Variants in DNM1L observed in about 807,000 individuals in gnomAD.
DNM1L encodes the protein dynamin 1L, also known as dynamin-1-like protein.
DNM1L carries 33 observed loss-of-function variants against 92.8 expected under a neutral mutation model. The observed-to-expected ratio is 0.36, with a 90% CI of 0.27 to 0.48. The LOEUF (loss-of-function observed/expected upper bound fraction) is 0.48. Among genes scored for constraint, DNM1L ranks in the 20% least tolerant of loss-of-function variants. The pLI is 0.99. For missense variants in DNM1L, 485 were observed against 888.8 expected, an observed-to-expected ratio of 0.55 and a Z score of 5.78; for synonymous variants, 284 against 305.0, an observed-to-expected ratio of 0.93 and a Z score of 0.72.
intron 13 of DNM1L, 183 bp from the exon 14 acceptor site, chr12:32,736,917 AAGATT>A (rs2137560970): frequency 3.3e-6 from 2 of 608,760 alleles, no homozygotes; most frequent in South Asian, 4.1e-5. Flanking sequence ...AGAAAAAAAA[AAGATT>A]AAGAAGCTTT....
Position 32,731,544 on chromosome 12 carries a change from A to G in DNM1L, c.1356+33A>G, listed in dbSNP as rs1216931739. ...AGAGAAATGTAACAGGTTTCACATG[A>G]ACTAGAAAAGGACATGAAGTGGTGG... On this transcript the variant is annotated intron_variant, in intron 11 of 19. Transcript: ENST00000549701. The surrounding 1 kb of genome is among the most constrained non-coding windows in gnomAD (Gnocchi z 5.1). The G allele has an allele frequency of 1.2e-6, 2 of 1,612,542 alleles. No individual in the cohort carries two copies. Among genetic ancestry groups the G allele is most frequent in the African/African-American group, 2.7e-5 (2 of 74,930 alleles).
rs535793293 is a variant in DNM1L at position 32,742,608 on chromosome 12, C to A, written c.2014C>A (p.His672Asn). ...TTGCAGTGTGCCAAAGGCAGTAATGCATTTTTTGGTTAATCATGTGAAAGA... is the reference window on the plus strand; with the variant it reads ...TTGCAGTGTGCCAAAGGCAGTAATGAATTTTTTGGTTAATCATGTGAAAGA... The part of the protein sequence containing the change: ...IQDSVPKAVM[H>N]FLVNHVKDTL... Residue 672 changes from histidine (H) to asparagine (N), a missense_variant, in exon 19 of 20, where the codon CAT (histidine) becomes AAT (asparagine). Around this residue, in one of 11 missense-constraint regions of DNM1L, gnomAD observed 133 missense variants for 210.9 expected, o/e 0.63. Transcript: ENST00000549701. 6.2e-7 allele frequency: 1 copy of A among 1,614,040 alleles called. No homozygotes were observed. Among genetic ancestry groups the A allele is most frequent in the African/African-American group, 1.3e-5 (1 of 75,018 alleles).
chr12:32,737,227 C>T lies in DNM1L; in HGVS notation c.1596+66C>T, dbSNP rs7302970. On this transcript the variant is annotated intron_variant, in intron 14 of 19. Transcript: ENST00000549701. ...ATAGATTGATGAGCTCAGAATATTA[C>T]TCAGTCCTAGGAGTAATTTTTTCTT... 0.14 allele frequency: 223,303 copies of T among 1,544,714 alleles called. 17,408 individuals are homozygous for T. Among genetic ancestry groups the T allele is most frequent in the African/African-American group, 0.29 (21,462 of 73,268 alleles).
rs923185048 is a variant in DNM1L at position 32,733,873 on chromosome 12, C to T, written c.1539+66C>T. ...TCTGTTGTAACTCAGTTATATCAAA[C>T]TTATTTAGCATGGAGTAACTATAAA... On this transcript the variant is annotated intron_variant, in intron 13 of 19. Transcript: ENST00000549701. 9 of 1,386,222 alleles carry T rather than the reference C, an allele frequency of 6.5e-6. No individual in the cohort carries two copies. The African/African-American group carries it at 1.3e-4, about 20-fold the overall frequency. The allele number at this position is 1,386,222 out of a possible 1,614,324, so 85.9% of individuals were successfully genotyped here.
intron 13 of DNM1L, among the ~76,000 whole-genome samples, chr12:32,736,013 C>G (rs899231622): frequency 2.0e-5 from 3 of 151,660 alleles, no homozygotes; most frequent in Non-Finnish European, 4.4e-5. Flanking sequence ...TCTGATGCTG[C>G]CTGTGAGAGA....
chr12:32,682,178 G>A (rs754564232), intron 1 of DNM1L, among the ~76,000 whole-genome samples: 4 of 151,814 alleles, frequency 2.6e-5, no homozygotes, highest in Admixed American at 6.6e-5. Flanking sequence ...TGTTGCCCAG[G>A]CTAGAGTGCA....
chr12:32,724,051 A>G (rs1170160688), intron 9 of DNM1L, among the ~76,000 whole-genome samples: 2 of 152,188 alleles, frequency 1.3e-5, no homozygotes, highest in Non-Finnish European at 2.9e-5. Context: ...CACCCTCGCC[A>G]TCGTCAAAAG....
intron 1 of DNM1L, chr12:32,679,875 G>A (rs1158598453): frequency 6.0e-6 from 6 of 991,792 alleles, no homozygotes; most frequent in South Asian, 4.7e-5. Context: ...TGGGCTGGCT[G>A]TTCCCATCAC....
At chr12:32,699,625 G>C (rs1364806469) in intron 1 of DNM1L, among the ~76,000 whole-genome samples, 1 of 151,822 alleles carries the variant, frequency 6.6e-6, no homozygotes, top group Non-Finnish European at 1.5e-5. Context: ...GTGAAACCCT[G>C]TCTCTACTAA....
chr12:32,726,771 T>G, intron 9 of DNM1L: 1 of 617,780 alleles, frequency 1.6e-6, no homozygotes, highest in Non-Finnish European at 2.9e-6. Context: ...TTTTTTCCAA[T>G]CTATCTGGCC....
At chr12:32,718,862 A>C (rs1953669548) in intron 7 of DNM1L, 99 bp downstream of exon 7, 2 of 1,478,118 alleles carry the variant, frequency 1.4e-6, no homozygotes, top group Non-Finnish European at 1.9e-6. Flanking sequence ...AATCTGTTTG[A>C]AATGTGATGC....
In DNM1L at chr12:32,713,198, GT is replaced by G. The variant is rs1413494541; in HGVS notation, c.457-8del. The G allele has an allele frequency of 1.9e-6, 3 of 1,613,498 alleles. No homozygotes were observed. The highest frequency in any genetic ancestry group is 2.5e-6 in the Non-Finnish European group (3 of 1,179,790). On this transcript the variant is annotated splice_polypyrimidine_tract_variant and intron_variant, in intron 5 of 19. Transcript: ENST00000549701. Reference sequence around the variant, plus strand: ...AATTATTAGTTCCTTGCTCATCTCTGTTTGGTTTAGGTGCCTGTAGGTGATC... The same window carrying G: ...AATTATTAGTTCCTTGCTCATCTCTGTTGGTTTAGGTGCCTGTAGGTGATC...
In DNM1L at chr12:32,745,270, T is replaced by TGG. The variant is rs1472967683; in HGVS notation, c.*1861_*1862insGG. Reference sequence around the variant, plus strand: ...GATGACTATCATTATTCTAGTCCTTTGAATTTGTAAGGGGAAAAAAAACAA... The same window carrying TGG: ...GATGACTATCATTATTCTAGTCCTTTGGGAATTTGTAAGGGGAAAAAAAACAA... On this transcript the variant is annotated 3_prime_UTR_variant, in exon 20 of 20. Coordinates refer to ENST00000549701, the MANE Select transcript of DNM1L (RefSeq NM_012062.5). 4.5e-6 allele frequency: 1 copy of TGG among 223,710 alleles called. No homozygotes were observed. Among genetic ancestry groups the TGG allele is most frequent in the African/African-American group, 2.4e-5 (1 of 42,234 alleles). 13.9% of individuals were successfully genotyped at this position (223,710 alleles called of 1,614,324 possible).
intron 2 of DNM1L, among the ~76,000 whole-genome samples, chr12:32,704,575 A>T (rs1408450038): frequency 1.3e-5 from 2 of 151,996 alleles, no homozygotes; most frequent in South Asian, 2.1e-4. Context: ...ATGCAAACAT[A>T]CATGTTTCGT....
chr12:32,710,620 A>G (rs79257453), intron 4 of DNM1L, among the ~76,000 whole-genome samples: 1 of 99,810 alleles, frequency 1.0e-5, no homozygotes, highest in Non-Finnish European at 2.0e-5. Flanking sequence ...CCTTGTCTCA[A>G]AAAAAAAAAA....
chr12:32,693,909 G>A (rs928944668), intron 1 of DNM1L, among the ~76,000 whole-genome samples: 1 of 151,924 alleles, frequency 6.6e-6, no homozygotes, highest in South Asian at 2.1e-4. Context: ...ACATTGCTGG[G>A]GTTACAGGCA....
At position 32,743,458 on chromosome 12, in the gene DNM1L, T is replaced by C. The variant is rs374360599; in HGVS notation, c.*48T>C. ...CTTTGTTGACTCAAAACTTGCTAGT[T>C]ACTGCCTACCTGAGTAGAATCTTAT... On this transcript the variant is annotated 3_prime_UTR_variant, in exon 20 of 20. Coordinates refer to ENST00000549701, the MANE Select transcript of DNM1L (RefSeq NM_012062.5). 1.3e-3 allele frequency: 2,009 copies of C among 1,562,346 alleles called. 4 individuals are homozygous for C. Among genetic ancestry groups the C allele is most frequent in the Non-Finnish European group, 1.6e-3 (1,864 of 1,133,830 alleles).
chr12:32,712,073 A>G (rs1329495818), intron 5 of DNM1L, among the ~76,000 whole-genome samples: 4 of 152,160 alleles, frequency 2.6e-5, no homozygotes, highest in Non-Finnish European at 5.9e-5. Context: ...TCTAGCCACT[A>G]TCATGCTACC....
Position 32,679,303 on chromosome 12 carries a change from GGGCCCC to G in DNM1L, c.-54_-49del. 1 of 1,208,568 alleles carries G rather than the reference GGGCCCC, an allele frequency of 8.3e-7. No homozygotes were observed. The highest frequency in any genetic ancestry group is 1.2e-5 in the South Asian group (1 of 80,640). The allele number at this position is 1,208,568 out of a possible 1,614,324, so 74.9% of individuals were successfully genotyped here. A position where few individuals can be genotyped will look rare whatever the true frequency, so the allele number is the denominator to read the frequency against. On this transcript the variant is annotated 5_prime_UTR_variant, in exon 1 of 20. Coordinates refer to ENST00000549701, the MANE Select transcript of DNM1L (RefSeq NM_012062.5). The stretch of plus-strand genomic sequence containing the variant: ...GGAGAGGAGGAAGGAGGCGAACTGT[GGGCCCC>G]GGCCCCATTCATTGCCGTGGCCGGC...
Sources: gnomAD v4.1 joint callset for allele counts (sites outside exome capture counted in the v4.1 genomes callset) on GRCh38, gnomAD v4.1.1 for gene constraint, gnomAD v4.1.1 regional missense constraint, Gnocchi (gnomAD v3.1) non-coding constraint, MANE v1.5 for transcripts, NCBI Gene and HGNC (gene_info 2026-07-23, HGNC 2026-07-21) for gene names.